Variants in CPZ observed in about 807,000 individuals in gnomAD.
CPZ encodes VEZT/CPZ fusion.
In CPZ, 103 loss-of-function variants were observed where a neutral mutation model predicts 61.8. The ratio of observed to expected loss-of-function variants is 1.67; its 90% confidence interval spans 1.42 to 1.96. The LOEUF (loss-of-function observed/expected upper bound fraction) is 1.96, where lower values mean the gene tolerates loss of function less well. CPZ is among the 30% of genes most tolerant of loss of function. The pLI, the probability that CPZ is intolerant of heterozygous loss-of-function variation, is 0.00. For missense variants in CPZ, 1,461 were observed against 914.9 expected, an observed-to-expected ratio of 1.60 and a Z score of -7.70; for synonymous variants, 551 against 373.7, an observed-to-expected ratio of 1.47 and a Z score of -5.47.
chr4:8,598,615 G>A (rs1714351094), intron 1 of CPZ, among the ~76,000 whole-genome samples: 1 of 152,228 alleles, frequency 6.6e-6, no homozygotes, highest in Admixed American at 6.5e-5. Flanking sequence ...TGGCCAGGTG[G>A]GCTCCGGCAT....
rs780078623 is a variant in CPZ at position 8,604,149 on chromosome 4, GTCA to G, written c.673_675del (p.Ile225del). ...CAGCTTCGACGGCAGGGAGCTGCTGGTCATCGAGTTCTCCAGCCGCCCCGGCCA... is the reference window on the plus strand; with the variant it reads ...CAGCTTCGACGGCAGGGAGCTGCTGGTCGAGTTCTCCAGCCGCCCCGGCCA... On this transcript the variant is annotated inframe_deletion, in exon 4 of 11. Coordinates refer to ENST00000360986, the MANE Select transcript of CPZ (RefSeq NM_001014447.3). The G allele has an allele frequency of 1.9e-6, 3 of 1,584,240 alleles. No individual in the cohort carries two copies. The highest frequency in any genetic ancestry group is 1.3e-5 in the African/African-American group (1 of 74,324).
At chr4:8,611,956 C>T (rs551240741) in intron 7 of CPZ, 71 bp from the exon 8 acceptor site, 36 of 1,608,218 alleles carry the variant, frequency 2.2e-5, no homozygotes, top group African/African-American at 9.4e-5. Context: ...AGCTCCTCCC[C>T]TCATTGACCC....
At chr4:8,606,478 G>A (rs1374215380) in intron 5 of CPZ, among the ~76,000 whole-genome samples, 2 of 152,154 alleles carry the variant, frequency 1.3e-5, no homozygotes, top group Non-Finnish European at 2.9e-5. Flanking sequence ...GGGGAGGTGG[G>A]CAACGAGCAG....
chr4:8,606,807 C>T lies in CPZ; in HGVS notation c.977C>T (p.Pro326Leu), dbSNP rs1023794499. The T allele has an allele frequency of 1.7e-5, 28 of 1,614,032 alleles. No individual in the cohort carries two copies. Among genetic ancestry groups the T allele is most frequent in the African/African-American group, 2.7e-5 (2 of 74,930 alleles). ...AACCTGGATCTGAACCGAAATTTCC[C>T]GGACCTGACGTCCGAGTACTACCGG... ...AQNLDLNRNF[P>L]DLTSEYYRLA... The change falls in exon 6 of 11, where the codon CCG becomes CTG. Residue 326 changes from proline to leucine, a missense_variant. Transcript: ENST00000360986.
rs996010974 is a variant in CPZ at position 8,606,320 on chromosome 4, C to T, written c.906+135C>T. 4.6e-6 allele frequency: 4 copies of T among 863,802 alleles called. No homozygotes were observed. In the African/African-American group the frequency reaches 5.1e-5, roughly 11 times the overall value. 53.5% of individuals were successfully genotyped at this position (863,802 alleles called of 1,614,324 possible). On this transcript the variant is annotated intron_variant, in intron 5 of 10. Coordinates refer to ENST00000360986, the MANE Select transcript of CPZ (RefSeq NM_001014447.3). Reference sequence around the variant, plus strand: ...GAGGAGCATTCAGCAGGTGTCGATACTGGCAAACCCCTGCTTCAGGGGCTG... The same window carrying T: ...GAGGAGCATTCAGCAGGTGTCGATATTGGCAAACCCCTGCTTCAGGGGCTG...
chr4:8,607,665 A>G (rs1268253696), intron 7 of CPZ, among the ~76,000 whole-genome samples: 1 of 152,046 alleles, frequency 6.6e-6, no homozygotes. Flanking sequence ...ACTGTCTTTC[A>G]CATGTCCCCG....
rs1260320779 is a variant in CPZ at position 8,606,797 on chromosome 4, C to A, written c.967C>A (p.Arg323=). Reference sequence around the variant, plus strand: ...GAACGCGCAGAACCTGGATCTGAACCGAAATTTCCCGGACCTGACGTCCGA... The same window carrying A: ...GAACGCGCAGAACCTGGATCTGAACAGAAATTTCCCGGACCTGACGTCCGA... The part of the protein sequence containing the change: ...RQNAQNLDLN[R]NFPDLTSEYY... The change falls in exon 6 of 11, where the codon CGA becomes AGA. Residue 323 remains arginine (R), a synonymous_variant. Coordinates refer to ENST00000360986, the MANE Select transcript of CPZ (RefSeq NM_001014447.3). 3 of 1,614,166 alleles carry A rather than the reference C, an allele frequency of 1.9e-6. No individual in the cohort carries two copies. Among genetic ancestry groups the A allele is most frequent in the South Asian group, 1.1e-5 (1 of 91,080 alleles).
At chr4:8,594,381 C>T (rs897753165) in intron 1 of CPZ, among the ~76,000 whole-genome samples, 3 of 152,194 alleles carry the variant, frequency 2.0e-5, no homozygotes, top group Non-Finnish European at 4.4e-5. Context: ...TCTGCCTCAC[C>T]CTTCCCTGGT....
At chr4:8,595,655 C>G (rs1055259435) in intron 1 of CPZ, among the ~76,000 whole-genome samples, 1 of 152,264 alleles carries the variant, frequency 6.6e-6, no homozygotes, top group African/African-American at 2.4e-5. Flanking sequence ...GCAGCACCCA[C>G]TGGGGCTTGC....
chr4:8,619,740 T>C lies in CPZ; in HGVS notation c.*123T>C. On this transcript the variant is annotated 3_prime_UTR_variant, in exon 11 of 11. Coordinates refer to ENST00000360986, the MANE Select transcript of CPZ (RefSeq NM_001014447.3). Reference sequence around the variant, plus strand: ...AGCCGCTGCCATTTTATTAAAGTGTTTTGATCCACTTTGCACTGGAATGAG... The same window carrying C: ...AGCCGCTGCCATTTTATTAAAGTGTCTTGATCCACTTTGCACTGGAATGAG... 1 of 760,034 alleles carries C rather than the reference T, an allele frequency of 1.3e-6. No homozygotes were observed. The highest frequency in any genetic ancestry group is 2.0e-6 in the Non-Finnish European group (1 of 504,978). The allele number at this position is 760,034 out of a possible 1,614,324, so 47.1% of individuals were successfully genotyped here.
chr4:8,607,668 T>A (rs1715153337), intron 7 of CPZ, among the ~76,000 whole-genome samples: 1 of 152,244 alleles, frequency 6.6e-6, no homozygotes. Flanking sequence ...GTCTTTCACA[T>A]GTCCCCGTCT....
At chr4:8,605,061 C>T (rs2109322218) in intron 4 of CPZ, among the ~76,000 whole-genome samples, 1 of 152,342 alleles carries the variant, frequency 6.6e-6, no homozygotes, top group East Asian at 1.9e-4. Flanking sequence ...GCAAGAGGTG[C>T]CCCTGTGCAG....
chr4:8,600,827 C>T (rs368943435), intron 2 of CPZ: 2 of 788,968 alleles, frequency 2.5e-6, no homozygotes, highest in African/African-American at 1.8e-5. Context: ...TGGCTGCCTT[C>T]ACGGGCCCTT....
chr4:8,604,274 G>A lies in CPZ; in HGVS notation c.709+86G>A, dbSNP rs536035043. The stretch of plus-strand genomic sequence containing the variant: ...ACCTTCGGGTGCACAAGTTGGTGGG[G>A]TGTTTGGGGTCCTGGGCAGAGCTGG... On this transcript the variant is annotated intron_variant, in intron 4 of 10. Coordinates refer to ENST00000360986, the MANE Select transcript of CPZ (RefSeq NM_001014447.3). 10 of 1,316,510 alleles carry A rather than the reference G, an allele frequency of 7.6e-6. No individual in the cohort carries two copies. In the East Asian group the frequency reaches 2.0e-4, roughly 27 times the overall value. 81.6% of individuals were successfully genotyped at this position (1,316,510 alleles called of 1,614,324 possible).
At chr4:8,598,596 C>T (rs1714349747) in intron 1 of CPZ, among the ~76,000 whole-genome samples, 1 of 152,252 alleles carries the variant, frequency 6.6e-6, no homozygotes, top group African/African-American at 2.4e-5. Context: ...GCCCAGCCTG[C>T]CCCCTCTCTG....
At chr4:8,613,132 C>T (rs1182770718) in intron 8 of CPZ, among the ~76,000 whole-genome samples, 2 of 134,668 alleles carry the variant, frequency 1.5e-5, no homozygotes, top group East Asian at 4.6e-4. Flanking sequence ...CCTCTCTGTT[C>T]CTTTTTTTTT....
At chr4:8,611,175 C>G (rs1303435614) in intron 7 of CPZ, 2 of 449,716 alleles carry the variant, frequency 4.4e-6, no homozygotes, top group Admixed American at 2.4e-5. Flanking sequence ...GGAGCCCCCT[C>G]CTCAGCACAG....
intron 8 of CPZ, among the ~76,000 whole-genome samples, chr4:8,613,450 T>C (rs1050892207): frequency 6.6e-6 from 1 of 152,222 alleles, no homozygotes; most frequent in African/African-American, 2.4e-5. Flanking sequence ...TTGCCCCTGA[T>C]ACGGCCCTGG....
Position 8,619,611 on chromosome 4 carries a change from G to A in CPZ, c.1953G>A (p.Lys651=). The change falls in exon 11 of 11, where the codon AAG becomes AAA. Residue 651 remains lysine, a synonymous_variant. Coordinates refer to ENST00000360986, the MANE Select transcript of CPZ (RefSeq NM_001014447.3). ...LSTHRPRWLL[K]Y ...CCCACAGGCCACGCTGGCTGCTCAA[G>A]TACTAGCCCCGGCCCCAGCACCCGC... 2 of 1,495,700 alleles carry A rather than the reference G, an allele frequency of 1.3e-6. No individual in the cohort carries two copies. Among genetic ancestry groups the A allele is most frequent in the Non-Finnish European group, 1.8e-6 (2 of 1,124,000 alleles). The allele number at this position is 1,495,700 out of a possible 1,614,324, so 92.7% of individuals were successfully genotyped here.
Sources: allele counts gnomAD v4.1 joint callset (sites outside exome capture counted in the v4.1 genomes callset), GRCh38; gene constraint gnomAD v4.1.1; transcripts MANE v1.5; gene names NCBI Gene and HGNC (gene_info 2026-07-23, HGNC 2026-07-21).